The following TRIM51 variants were observed in gnomAD, a reference collection of about 807,000 sequenced individuals.
The protein encoded by TRIM51 is tripartite motif-containing protein 51.
Under a neutral mutation model 32.7 loss-of-function variants are expected in TRIM51, and 23 were observed. The ratio of observed to expected loss-of-function variants is 0.70; its 90% CI spans 0.51 to 1.00. The LOEUF (loss-of-function observed/expected upper bound fraction) is 1.00, where lower values mean the gene tolerates loss of function less well. Among genes scored for constraint, TRIM51 ranks in the 50% least tolerant of loss-of-function variants. The pLI is 0.00. For synonymous variants in TRIM51, 177 were observed against 181.9 expected, an observed-to-expected ratio of 0.97 and a Z score of 0.22; for missense variants, 592 against 539.2, an observed-to-expected ratio of 1.10 and a Z score of -0.97.
At chr11:55,890,408 C>A (rs1225208829) in intron 6 of TRIM51, among the ~76,000 whole-genome samples, 1 of 152,136 alleles carries the variant, frequency 6.6e-6, no homozygotes, top group Admixed American at 6.6e-5. Context: ...AAACACATTT[C>A]ATTGGGGAAT....
intron 1 of TRIM51, among the ~76,000 whole-genome samples, chr11:55,883,718 T>A (rs994517161): frequency 2.6e-5 from 4 of 152,116 alleles, no homozygotes; most frequent in African/African-American, 9.7e-5. Flanking sequence ...TAAAAAAGGA[T>A]AATTATTGAA....
Position 55,885,607 on chromosome 11 carries a change from G to A in TRIM51, c.179G>A (p.Arg60Gln), listed in dbSNP as rs367940835. The A allele has an allele frequency of 4.3e-6, 7 of 1,611,304 alleles. No individual in the cohort carries two copies. Among genetic ancestry groups the A allele is most frequent in the African/African-American group, 4.0e-5 (3 of 74,946 alleles). The stretch of plus-strand genomic sequence containing the variant: ...TGCTCTGAATGCAAGAAGACAACGC[G>A]GCAGAGAAACCTCAACACTGACATT... ...AQCSECKKTT[R>Q]QRNLNTDICL... The change falls in exon 2 of 7, where the codon CGG becomes CAG. Residue 60 changes from arginine (R) to glutamine (Q), a missense_variant. Transcript: ENST00000449290.
intron 3 of TRIM51, among the ~76,000 whole-genome samples, chr11:55,886,983 G>T (rs555624460): frequency 6.6e-6 from 1 of 152,138 alleles, no homozygotes; most frequent in African/African-American, 2.4e-5. Context: ...AAATTAAGGT[G>T]TAAAGAAGAA....
rs1288480058 is a variant in TRIM51 at position 55,885,636 on chromosome 11, T to C, written c.208T>C (p.Leu70=). ...RQRNLNTDIC[L]KNMAFIARKA... ...GAGAAACCTCAACACTGACATTTGT[T>C]TGAAGAACATGGCTTTCATTGCCAG... The change falls in exon 2 of 7, where the codon TTG becomes CTG. Residue 70 remains leucine, a synonymous_variant. Transcript: ENST00000449290. 8 of 1,610,792 alleles carry C rather than the reference T, an allele frequency of 5.0e-6. No homozygotes were observed. The highest frequency in any genetic ancestry group is 6.8e-6 in the Non-Finnish European group (8 of 1,179,216).
rs561529025 is a variant in TRIM51 at position 55,891,701 on chromosome 11, G to C, written c.*69G>C. ...TTTATCCCAGAAAGCCCTCTTTTTC[G>C]CACCTCATCAAACAGAACAAATAAG... On this transcript the variant is annotated 3_prime_UTR_variant, in exon 7 of 7. Coordinates refer to ENST00000449290, the MANE Select transcript of TRIM51 (RefSeq NM_032681.4). 5.8e-6 allele frequency: 9 copies of C among 1,556,988 alleles called. No homozygotes were observed. Among genetic ancestry groups the C allele is most frequent in the African/African-American group, 5.5e-5 (4 of 72,912 alleles).
chr11:55,884,171 A>ATATATATATATATATG (rs1452385703), intron 1 of TRIM51, among the ~76,000 whole-genome samples: 1 of 122,826 alleles, frequency 8.1e-6, no homozygotes, highest in East Asian at 2.8e-4. Flanking sequence ...ATATATATAT[A>ATATATATATATATATG]TATATATATA....
chr11:55,886,874 A>T (rs1854584761), intron 3 of TRIM51, among the ~76,000 whole-genome samples: 5 of 152,272 alleles, frequency 3.3e-5, no homozygotes, highest in Admixed American at 3.3e-4. Flanking sequence ...GTTTATATTG[A>T]GGGTATGATA....
chr11:55,885,038 T>C (rs1282305150), intron 1 of TRIM51, among the ~76,000 whole-genome samples: 1 of 151,834 alleles, frequency 6.6e-6, no homozygotes, highest in Non-Finnish European at 1.5e-5. Flanking sequence ...TGTTACCCAA[T>C]GTAGGTTTTC....
At chr11:55,887,694 A>G (rs1355658509) in intron 3 of TRIM51, among the ~76,000 whole-genome samples, 1 of 152,130 alleles carries the variant, frequency 6.6e-6, no homozygotes. Flanking sequence ...TCCAAAGTAG[A>G]AATAATGGTT....
intron 1 of TRIM51, among the ~76,000 whole-genome samples, chr11:55,883,609 T>C (rs1244534488): frequency 6.6e-6 from 1 of 152,196 alleles, no homozygotes; most frequent in Non-Finnish European, 1.5e-5. Context: ...ATATCTAGTG[T>C]TTGCTGCAAT....
intron 3 of TRIM51, 132 bp downstream of exon 3, chr11:55,886,350 A>T (rs1854578624): frequency 1.4e-6 from 1 of 717,310 alleles, no homozygotes. Flanking sequence ...CTTGAGAAAA[A>T]AACACCCTAA....
chr11:55,885,876 A>T (rs1406474045), intron 2 of TRIM51, 37 bp downstream of exon 2: 1 of 1,611,114 alleles, frequency 6.2e-7, no homozygotes, highest in South Asian at 1.1e-5. Flanking sequence ...TCTATACAGG[A>T]CACATGAAAT....
intron 1 of TRIM51, among the ~76,000 whole-genome samples, chr11:55,885,113 C>T (rs1854558545): frequency 6.6e-6 from 1 of 152,078 alleles, no homozygotes; most frequent in Non-Finnish European, 1.5e-5. Flanking sequence ...ATGTTTCATT[C>T]TAGACCACTT....
chr11:55,888,214 T>G lies in TRIM51; in HGVS notation c.690T>G (p.Tyr230Ter), dbSNP rs1258631716. 1.2e-6 allele frequency: 2 copies of G among 1,613,524 alleles called. No homozygotes were observed. Among genetic ancestry groups the G allele is most frequent in the Non-Finnish European group, 1.7e-6 (2 of 1,179,570 alleles). ...EHSRELLRGMYEDLKQMCHKA... is the reference protein window; with the variant it reads ...EHSRELLRGM ...CCAGGGAGCTTTTAAGAGGAATGTA[T>G]GAGGATCTGAAGCAAATGTGCCATA... The change falls in exon 4 of 7, where the codon TAT (tyrosine) becomes TAG (stop). Residue 230 changes from tyrosine to a stop codon, truncating the protein, a stop_gained. Coordinates refer to ENST00000449290, the MANE Select transcript of TRIM51 (RefSeq NM_032681.4). LOFTEE classifies it high-confidence loss of function.
chr11:55,887,960 T>C (rs538091858), intron 3 of TRIM51, 72 bp from the exon 4 acceptor site: 1 of 1,105,632 alleles, frequency 9.0e-7, no homozygotes, highest in African/African-American at 1.5e-5. Flanking sequence ...GTGTTTAGAA[T>C]GCTAAGAGGA....
chr11:55,890,089 A>G, intron 6 of TRIM51, 50 bp downstream of exon 6: 1 of 1,310,346 alleles, frequency 7.6e-7, no homozygotes, highest in Non-Finnish European at 1.1e-6. Flanking sequence ...ACTTCTTGTT[A>G]GAATCATGGG....
chr11:55,886,357 C>T (rs1321576118), intron 3 of TRIM51, 139 bp downstream of exon 3: 3 of 690,708 alleles, frequency 4.3e-6, no homozygotes, highest in South Asian at 1.9e-5. Flanking sequence ...AAAAAACACC[C>T]TAATTTTTTA....
chr11:55,884,156 A>AATATATATATATATATATATATATATAT (rs1854542371), intron 1 of TRIM51, among the ~76,000 whole-genome samples: 1 of 10,636 alleles, frequency 9.4e-5, no homozygotes, highest in Non-Finnish European at 1.8e-4. Context: ...CATAACTATA[A>AATATATATATATATATATATATATATAT]CTATATATAT....
rs1325555556 is a variant in TRIM51 at position 55,885,516 on chromosome 11, T to C, written c.88T>C (p.Cys30Arg). The C allele has an allele frequency of 8.7e-6, 14 of 1,611,994 alleles. No individual in the cohort carries two copies. The highest frequency in any genetic ancestry group is 4.0e-5 in the African/African-American group (3 of 74,850). ...NYFLDPVTID[C>R]GHSFCRPCLY... is the part of the protein sequence containing the mutation. ...CTTCCTAGACCCAGTCACCATAGACTGTGGGCACAGCTTTTGCCGGCCCTG... is the reference window on the plus strand; with the variant it reads ...CTTCCTAGACCCAGTCACCATAGACCGTGGGCACAGCTTTTGCCGGCCCTG... Residue 30 changes from cysteine to arginine, a missense_variant, in exon 2 of 7, where the codon TGT (cysteine) becomes CGT (arginine). Cys to Arg is a radical substitution (Grantham distance 180). Coordinates refer to ENST00000449290, the MANE Select transcript of TRIM51 (RefSeq NM_032681.4).
Sources: gnomAD v4.1 joint callset for allele counts (sites outside exome capture counted in the v4.1 genomes callset) on GRCh38, gnomAD v4.1.1 for gene constraint, MANE v1.5 for transcripts, NCBI Gene and HGNC (gene_info 2026-07-23, HGNC 2026-07-21) for gene names.